The following AGBL5 variants were observed in gnomAD, a reference collection of about 807,000 sequenced individuals.
AGBL5 encodes cytosolic carboxypeptidase-like protein 5.
In AGBL5, 51 loss-of-function variants were observed where a neutral mutation model predicts 88.0. That is an observed-to-expected ratio of 0.58 (90% CI 0.46 to 0.73). The LOEUF is 0.73. Ranked by LOEUF, AGBL5 falls within the 30% of genes least tolerant of loss-of-function variation. The pLI is 0.00. For synonymous variants in AGBL5, 446 were observed against 438.8 expected (o/e 1.02, Z -0.21); for missense variants, 1,031 against 1,162.2 (o/e 0.89, Z 1.64).
rs1572812929 is a variant in AGBL5, at chr2:27,053,846, A to G, written c.388-50A>G. ...TTCCTGGTGGTCCCAGTAGGAGCTCAGTTCTGACAATGGCATGTTGCCCCT... is the reference window on the plus strand; with the variant it reads ...TTCCTGGTGGTCCCAGTAGGAGCTCGGTTCTGACAATGGCATGTTGCCCCT... On this transcript the variant is annotated intron_variant, in intron 3 of 14. Coordinates refer to ENST00000360131, the MANE Select transcript of AGBL5 (RefSeq NM_021831.6). This position sits in a 1 kb window ranked among gnomAD's most constrained non-coding sequence, Gnocchi z 4.9. 1.3e-6 allele frequency: 2 copies of G among 1,571,842 alleles called. No homozygotes were observed. The highest frequency in any genetic ancestry group is 1.7e-6 in the Non-Finnish European group (2 of 1,155,028).
intron 11 of AGBL5, among the ~76,000 whole-genome samples, chr2:27,063,287 G>C (rs1422941213): frequency 1.3e-5 from 2 of 152,154 alleles, no homozygotes; most frequent in East Asian, 3.8e-4. Context: ...GCAAGAAGTT[G>C]GGAACCAAAT....
At chr2:27,067,038 G>C (rs1312063859) in intron 11 of AGBL5, among the ~76,000 whole-genome samples, 1 of 151,604 alleles carries the variant, frequency 6.6e-6, no homozygotes, top group Admixed American at 6.6e-5. Flanking sequence ...AACCAAGATC[G>C]CACCACCACA....
In AGBL5 at chr2:27,070,298, C is replaced by G. The variant is rs575722798; in HGVS notation, c.*35C>G. The G allele has an allele frequency of 6.2e-7, 1 of 1,601,482 alleles. No individual in the cohort carries two copies. Among genetic ancestry groups the G allele is most frequent in the African/African-American group, 1.3e-5 (1 of 74,818 alleles). ...TATGTTCAAGCCCAGGATATAGCCC[C>G]AAGATGGGGTAACAGTGGGAAATAT... is the stretch of plus-strand genomic sequence containing the variant. On this transcript the variant is annotated 3_prime_UTR_variant, in exon 15 of 15. Coordinates refer to ENST00000360131, the MANE Select transcript of AGBL5 (RefSeq NM_021831.6).
chr2:27,052,246 G>C (rs1009324848), intron 1 of AGBL5: 6 of 152,502 alleles, frequency 3.9e-5, no homozygotes, highest in Admixed American at 3.3e-4. Context: ...CCCATGCCCT[G>C]GCTGGAAGGG....
rs749370444 is a variant in AGBL5, at chr2:27,054,759, A to G, written c.681A>G (p.Leu227=). The G allele has an allele frequency of 4.6e-5, 75 of 1,613,546 alleles. No individual in the cohort carries two copies. Among genetic ancestry groups the G allele is most frequent in the Non-Finnish European group, 5.8e-5 (68 of 1,179,994 alleles). ...REDREPRLEQ[L]FPDTSTPRPF... ...ATCGAGAGCCCCGTCTAGAGCAGCT[A>G]TTTCCTGATACCAGCACCCCTCGAC... The change falls in exon 5 of 15, where the codon CTA becomes CTG. Residue 227 remains leucine, a synonymous_variant. Coordinates refer to ENST00000360131, the MANE Select transcript of AGBL5 (RefSeq NM_021831.6).
chr2:27,056,777 C>T lies in AGBL5; in HGVS notation c.1520C>T (p.Ser507Leu). 6.2e-7 allele frequency: 1 copy of T among 1,607,606 alleles called. No homozygotes were observed. The highest frequency in any genetic ancestry group is 8.5e-7 in the Non-Finnish European group (1 of 1,176,172). Reference protein sequence around the residue: ...GSGRVAIYKASGIIHSYTLEC... With the variant: ...GSGRVAIYKALGIIHSYTLEC... ...GGCCGTGTTGCAATCTACAAAGCCT[C>T]AGGGATAATCCACAGGTTGGGTGGA... Residue 507 changes from serine (S) to leucine (L), a missense_variant, in exon 8 of 15, where the codon TCA becomes TTA. By Grantham distance (145) the Ser-to-Leu change is moderately radical. Transcript: ENST00000360131.
At position 27,070,304 on chromosome 2, in the gene AGBL5, G is replaced by C. The variant is rs1352231170; in HGVS notation, c.*41G>C. On this transcript the variant is annotated 3_prime_UTR_variant, in exon 15 of 15. Coordinates refer to ENST00000360131, the MANE Select transcript of AGBL5 (RefSeq NM_021831.6). ...CAAGCCCAGGATATAGCCCCAAGAT[G>C]GGGTAACAGTGGGAAATATGCTAGT... The C allele has an allele frequency of 6.3e-7, 1 of 1,598,050 alleles. No homozygotes were observed. Among genetic ancestry groups the C allele is most frequent in the South Asian group, 1.1e-5 (1 of 90,566 alleles).
intron 14 of AGBL5, 78 bp downstream of exon 14, chr2:27,069,784 T>C: frequency 1.3e-6 from 2 of 1,532,842 alleles, no homozygotes; most frequent in East Asian, 2.3e-5. Context: ...TCAGAATAAT[T>C]TTCTGCTTCC....
At chr2:27,052,332 G>A (rs1256986195) in intron 1 of AGBL5, 1 of 152,274 alleles carries the variant, frequency 6.6e-6, no homozygotes, top group African/African-American at 2.4e-5. Context: ...CTCCATACTA[G>A]GCATAAGGTA....
At chr2:27,057,664 G>C (rs1668508319) in intron 9 of AGBL5, among the ~76,000 whole-genome samples, 1 of 152,294 alleles carries the variant, frequency 6.6e-6, no homozygotes, top group Admixed American at 6.5e-5. Context: ...GAATCCCCTA[G>C]CACCTCTGAG....
chr2:27,056,573 C>T (rs372362098), intron 7 of AGBL5, 50 bp from the exon 8 acceptor site: 2 of 1,522,358 alleles, frequency 1.3e-6, no homozygotes, highest in African/African-American at 1.4e-5. Context: ...CTTCCTTGCA[C>T]CTTGTCCCTT....
intron 7 of AGBL5, 196 bp downstream of exon 7, chr2:27,056,334 C>CT: frequency 1.6e-6 from 1 of 636,636 alleles, no homozygotes; most frequent in Non-Finnish European, 2.6e-6. Context: ...ACATCATGAC[C>CT]TTTTATTAAG....
chr2:27,053,333 C>CA lies in AGBL5; in HGVS notation c.216-69_216-68insA. On this transcript the variant is annotated intron_variant, in intron 2 of 14. Coordinates refer to ENST00000360131, the MANE Select transcript of AGBL5 (RefSeq NM_021831.6). This position sits in a 1 kb window ranked among gnomAD's most constrained non-coding sequence, Gnocchi z 4.9. ...AGCCCTTTCCCAGTTTGGCTGGCTC[C>CA]GGCTCTCCCACAGACCATATCTCCA... The CA allele has an allele frequency of 6.4e-7, 1 of 1,564,362 alleles. No homozygotes were observed. The highest frequency in any genetic ancestry group is 8.7e-7 in the Non-Finnish European group (1 of 1,153,640).
At chr2:27,059,127 C>G (rs1668579697) in intron 10 of AGBL5, 63 bp from the exon 11 acceptor site, 1 of 1,508,050 alleles carries the variant, frequency 6.6e-7, no homozygotes, top group Non-Finnish European at 9.0e-7. Context: ...GCAGCAGATC[C>G]TAGGGAAAGC....
chr2:27,067,647 G>A lies in AGBL5; in HGVS notation c.2242+1G>A, dbSNP rs1231904886. 1 of 1,612,954 alleles carries A rather than the reference G, an allele frequency of 6.2e-7. No homozygotes were observed. The highest frequency in any genetic ancestry group is 1.3e-5 in the African/African-American group (1 of 74,960). The stretch of plus-strand genomic sequence containing the variant: ...CTGCCTGATTCATTCAACATACCAG[G>A]TCTGTACCCACTGCCACTGAAATCT... On this transcript the variant is annotated splice_donor_variant, in intron 12 of 14. Transcript: ENST00000360131. LOFTEE classifies it high-confidence loss of function.
intron 11 of AGBL5, among the ~76,000 whole-genome samples, chr2:27,063,947 C>G (rs1007241244): frequency 3.3e-5 from 5 of 152,232 alleles, no homozygotes; most frequent in African/African-American, 7.2e-5. Flanking sequence ...CACTCTTGCA[C>G]TCTTGCTTGT....
chr2:27,066,317 G>C (rs1475781949), intron 11 of AGBL5, among the ~76,000 whole-genome samples: 1 of 151,930 alleles, frequency 6.6e-6, no homozygotes, highest in Non-Finnish European at 1.5e-5. Flanking sequence ...TCTAAGAGAG[G>C]AATAGTAGAA....
intron 11 of AGBL5, among the ~76,000 whole-genome samples, chr2:27,062,101 C>T (rs1051259680): frequency 8.6e-5 from 13 of 150,314 alleles, no homozygotes; most frequent in African/African-American, 3.2e-4. Context: ...AGGCATGAAC[C>T]ACTGTGCCCA....
upstream of AGBL5, chr2:27,050,979 A>G (rs933388627): frequency 6.6e-6 from 1 of 152,258 alleles, no homozygotes; most frequent in Non-Finnish European, 1.5e-5. Context: ...CATAGGGAAC[A>G]CCGTAGTATG....
Sources: gnomAD v4.1 joint callset for allele counts (sites outside exome capture counted in the v4.1 genomes callset) on GRCh38, gnomAD v4.1.1 for gene constraint, Gnocchi (gnomAD v3.1) non-coding constraint, MANE v1.5 for transcripts, NCBI Gene and HGNC (gene_info 2026-07-23, HGNC 2026-07-21) for gene names.